The following EXPH5 variants were observed in gnomAD, a reference collection of about 807,000 sequenced individuals.
The protein encoded by EXPH5 is exophilin-5.
Under a neutral mutation model 41.1 loss-of-function variants are expected in EXPH5, and 42 were observed. The ratio of observed to expected loss-of-function variants is 1.02; its 90% CI spans 0.80 to 1.32. The LOEUF is 1.32. Among genes scored for constraint, EXPH5 ranks in the 40% most tolerant of loss-of-function variants. EXPH5 has a pLI of 0.00. For missense variants in EXPH5, 2,298 were observed against 2,314.5 expected (o/e 0.99, Z 0.15); for synonymous variants, 798 against 833.5 (o/e 0.96, Z 0.73).
rs2093686781 is a variant in EXPH5, at chr11:108,512,112, G to T, written c.3395C>A (p.Ala1132Asp). The T allele has an allele frequency of 5.6e-6, 9 of 1,613,662 alleles. No individual in the cohort carries two copies. Among genetic ancestry groups the T allele is most frequent in the African/African-American group, 1.3e-5 (1 of 74,896 alleles). Reference protein sequence around the residue: ...AMSCPSGEPHASTGREGRKKP... With the variant: ...AMSCPSGEPHDSTGREGRKKP... ...TTTTCTTCCTTCTCTTCCAGTTGAG[G>T]CATGTGGCTCCCCTGAGGGACATGA... The change falls in exon 6 of 6, where the codon GCC becomes GAC. Residue 1132 changes from alanine (A) to aspartate (D), a missense_variant. Ala to Asp is a moderately radical substitution (Grantham distance 126). Coordinates refer to ENST00000265843, the MANE Select transcript of EXPH5 (RefSeq NM_015065.3).
intron 1 of EXPH5, among the ~76,000 whole-genome samples, chr11:108,546,925 C>T (rs1165095835): frequency 3.3e-5 from 5 of 151,982 alleles, no homozygotes; most frequent in African/African-American, 1.2e-4. Flanking sequence ...GCCTCAGCCT[C>T]CTGAGTAGCT....
upstream of EXPH5, among the ~76,000 whole-genome samples, chr11:108,596,658 C>G (rs911642856): frequency 6.6e-6 from 1 of 152,084 alleles, no homozygotes. Context: ...TGCCAAAACC[C>G]TAAGATAGCA....
chr11:108,592,649 A>G (rs1415370737), intron 1 of EXPH5, among the ~76,000 whole-genome samples: 1 of 152,152 alleles, frequency 6.6e-6, no homozygotes, highest in Admixed American at 6.5e-5. Flanking sequence ...ATCCTGGGTA[A>G]TTATCTGTGT....
intron 4 of EXPH5, among the ~76,000 whole-genome samples, chr11:108,527,450 C>T (rs1031207705): frequency 1.3e-5 from 2 of 152,054 alleles, no homozygotes; most frequent in Admixed American, 1.3e-4. Flanking sequence ...ACTAAGGCTT[C>T]GATCCACTGA....
At position 108,593,441 on chromosome 11, in the gene EXPH5, C is replaced by G; in HGVS notation, c.96G>C (p.Gln32His). The G allele has an allele frequency of 6.2e-7, 1 of 1,614,134 alleles. No homozygotes were observed. The highest frequency in any genetic ancestry group is 8.5e-7 in the Non-Finnish European group (1 of 1,179,976). The part of the protein sequence containing the change: ...LQVLERNEEL[Q>H]RAEKDRISKL... Reference sequence around the variant, plus strand: ...ACCTGATCCTGTCCTTCTCGGCCCTCTGTAACTCCTCATTCCTTTCCAGCA... The same window carrying G: ...ACCTGATCCTGTCCTTCTCGGCCCTGTGTAACTCCTCATTCCTTTCCAGCA... Residue 32 changes from glutamine to histidine, a missense_variant, in exon 1 of 6, where the codon CAG becomes CAC. Gln to His is a conservative substitution (Grantham distance 24). Transcript: ENST00000265843.
intron 4 of EXPH5, among the ~76,000 whole-genome samples, chr11:108,519,259 T>G (rs569229556): frequency 2.0e-5 from 3 of 152,084 alleles, no homozygotes; most frequent in African/African-American, 7.2e-5. Context: ...AAGGCTAACT[T>G]TGGGTAAGTG....
At chr11:108,546,765 T>C (rs17092334) in intron 1 of EXPH5, among the ~76,000 whole-genome samples, 20,645 of 152,120 alleles carry the variant, frequency 0.14, 1,553 homozygotes, top group South Asian at 0.21. Flanking sequence ...TTATAAATAC[T>C]GCTTTAAAAA....
At chr11:108,605,362 G>C in the EXPH5 span, among the ~76,000 whole-genome samples, 1 of 152,154 alleles carries the variant, frequency 6.6e-6, no homozygotes, top group East Asian at 1.9e-4. Context: ...TCCAACATAG[G>C]AGATGTGATT....
In EXPH5 at chr11:108,538,346, A is replaced by G. The variant is rs146983552; in HGVS notation, c.443+678T>C. On this transcript the variant is annotated intron_variant, in intron 3 of 5. Transcript: ENST00000265843. The stretch of plus-strand genomic sequence containing the variant: ...GCAGTCAGCTCAATTGCACTTAAGC[A>G]TAGCCTTGCTTGTTTTTCACAAAGT... The G allele has an allele frequency of 1.1e-4, 68 of 607,838 alleles. No individual in the cohort carries two copies. In the East Asian group the frequency reaches 9.2e-3, roughly 82 times the overall value. 37.7% of individuals were successfully genotyped at this position (607,838 alleles called of 1,614,324 possible).
intron 4 of EXPH5, 22 bp downstream of exon 4, chr11:108,528,114 C>T (rs2093811877): frequency 6.4e-7 from 1 of 1,555,254 alleles, no homozygotes; most frequent in African/African-American, 1.4e-5. Context: ...TTAGAGTAAC[C>T]TGTAGTTATC....
chr11:108,587,855 C>T (rs1187206840), intron 1 of EXPH5, among the ~76,000 whole-genome samples: 6 of 152,122 alleles, frequency 3.9e-5, no homozygotes, highest in Admixed American at 6.5e-5. Context: ...TGGGTTCAAG[C>T]GATTCTTCTG....
rs1037700481 is a variant in EXPH5 at position 108,517,296 on chromosome 11, T to C, written c.631+939A>G. 3.9e-5 allele frequency among the ~76,000 whole-genome samples: 6 copies of C among 152,332 alleles called. 1 individual carries two copies. The highest frequency in any genetic ancestry group is 3.9e-4 in the Admixed American group (6 of 15,290). ...CATTATTTTTTCATTCCATAAACAGTAGCTCTCCTCTTTCAACAAAACCTT... is the reference window on the plus strand; with the variant it reads ...CATTATTTTTTCATTCCATAAACAGCAGCTCTCCTCTTTCAACAAAACCTT... On this transcript the variant is annotated intron_variant, in intron 5 of 5. Coordinates refer to ENST00000265843, the MANE Select transcript of EXPH5 (RefSeq NM_015065.3).
At chr11:108,605,286 G>C in the EXPH5 span, among the ~76,000 whole-genome samples, 1 of 152,166 alleles carries the variant, frequency 6.6e-6, no homozygotes, top group Non-Finnish European at 1.5e-5. Flanking sequence ...ATCCTCCAAA[G>C]ACTTAGTGTC....
At chr11:108,571,920 C>T (rs936887559) in intron 1 of EXPH5, among the ~76,000 whole-genome samples, 9 of 151,910 alleles carry the variant, frequency 5.9e-5, no homozygotes, top group Admixed American at 3.3e-4. Context: ...TGGTGGCGGG[C>T]GCCTGTAGTC....
At chr11:108,562,523 T>C (rs1350180939) in intron 1 of EXPH5, among the ~76,000 whole-genome samples, 1 of 151,980 alleles carries the variant, frequency 6.6e-6, no homozygotes, top group Non-Finnish European at 1.5e-5. Flanking sequence ...GTGGAAGAAT[T>C]GCTTGAATCT....
chr11:108,535,682 C>T (rs2136012994), intron 3 of EXPH5, among the ~76,000 whole-genome samples: 1 of 152,304 alleles, frequency 6.6e-6, no homozygotes, highest in South Asian at 2.1e-4. Context: ...CTTATGTAAT[C>T]TAGAGGTTGC....
At chr11:108,523,750 T>C (rs970293122) in intron 4 of EXPH5, among the ~76,000 whole-genome samples, 7 of 152,304 alleles carry the variant, frequency 4.6e-5, no homozygotes, top group African/African-American at 1.7e-4. Flanking sequence ...AACATGTCTG[T>C]AGTCTCAGCT....
rs1007711226 is a variant in EXPH5 at position 108,509,889 on chromosome 11, C to T, written c.5618G>A (p.Gly1873Asp). Residue 1873 changes from glycine (G) to aspartate (D), a missense_variant, in exon 6 of 6, where the codon GGT becomes GAT. Physicochemically the swap from Gly to Asp is moderately conservative, Grantham distance 94. Transcript: ENST00000265843. ...GTATATAGATATTGCAGACCTGGGA[C>T]CTGTTTTTGTCCCGCTGCGATAAGC... ...SWAYRSGTKTGPRSAISIYRP... is the reference protein window; with the variant it reads ...SWAYRSGTKTDPRSAISIYRP... 1 of 1,608,870 alleles carries T rather than the reference C, an allele frequency of 6.2e-7. No homozygotes were observed. The highest frequency in any genetic ancestry group is 8.5e-7 in the Non-Finnish European group (1 of 1,178,250).
chr11:108,562,265 GTTTT>G (rs35527615), intron 1 of EXPH5, among the ~76,000 whole-genome samples: 1 of 104,598 alleles, frequency 9.6e-6, no homozygotes, highest in Non-Finnish European at 2.2e-5. Flanking sequence ...TTTTTTCTGT[GTTTT>G]TTTTTTTTTT....
Sources: gnomAD v4.1 joint callset for allele counts (sites outside exome capture counted in the v4.1 genomes callset) on GRCh38, gnomAD v4.1.1 for gene constraint, MANE v1.5 for transcripts, NCBI Gene and HGNC (gene_info 2026-07-23, HGNC 2026-07-21) for gene names.